Variants in EPHA3 observed in about 807,000 individuals in gnomAD.
EPHA3 encodes the protein ephrin type-A receptor 3.
In EPHA3, 42 loss-of-function variants were observed where a neutral mutation model predicts 107.1. The ratio of observed to expected loss-of-function variants is 0.39; its 90% CI spans 0.31 to 0.51. The LOEUF (loss-of-function observed/expected upper bound fraction) is 0.51, where lower values mean the gene tolerates loss of function less well. EPHA3 is among the 20% of genes least tolerant of loss of function. The pLI is 0.78. For synonymous variants in EPHA3, 461 were observed against 424.8 expected, an observed-to-expected ratio of 1.09 and a Z score of -1.05; for missense variants, 1,183 against 1,211.2, an observed-to-expected ratio of 0.98 and a Z score of 0.35.
intron 2 of EPHA3, among the ~76,000 whole-genome samples, chr3:89,151,642 A>C (rs1158763775): frequency 1.3e-5 from 2 of 152,100 alleles, no homozygotes; most frequent in Admixed American, 6.6e-5. Flanking sequence ...GTATGACTGA[A>C]GATTTTCTAG....
intron 5 of EPHA3, among the ~76,000 whole-genome samples, chr3:89,359,780 T>TACATATATACAC (rs1559663657): frequency 2.1e-5 from 3 of 142,968 alleles, no homozygotes; most frequent in Non-Finnish European, 4.5e-5. Context: ...CACATATATA[T>TACATATATACAC]ACATATATAT....
intron 10 of EPHA3, among the ~76,000 whole-genome samples, chr3:89,416,256 A>G (rs1256757216): frequency 6.6e-6 from 1 of 151,456 alleles, no homozygotes; most frequent in East Asian, 1.9e-4. Context: ...AAGAGCAAAT[A>G]AAATTGCCGC....
Position 89,468,776 on chromosome 3 carries a change from C to T in EPHA3, c.2691-3688C>T, listed in dbSNP as rs1710340855. On this transcript the variant is annotated intron_variant, in intron 15 of 16. Transcript: ENST00000336596. Reference sequence around the variant, plus strand: ...AGTCTAATGTAATGTCTAATGCTTGCTAGTGACAAAGACTATTTCACTCAT... The same window carrying T: ...AGTCTAATGTAATGTCTAATGCTTGTTAGTGACAAAGACTATTTCACTCAT... 3.3e-5 allele frequency among the ~76,000 whole-genome samples: 5 copies of T among 152,236 alleles called. No individual in the cohort carries two copies. The South Asian group carries it at 1.0e-3, about 32-fold the overall frequency.
chr3:89,270,403 T>C (rs1244561930), intron 3 of EPHA3, among the ~76,000 whole-genome samples: 1 of 152,068 alleles, frequency 6.6e-6, no homozygotes, highest in Non-Finnish European at 1.5e-5. Context: ...TGTCTGTCTG[T>C]CTTTGGCCAG....
intron 2 of EPHA3, among the ~76,000 whole-genome samples, chr3:89,200,047 A>G (rs2107158172): frequency 6.6e-6 from 1 of 152,350 alleles, no homozygotes; most frequent in South Asian, 2.1e-4. Flanking sequence ...TGTGTTTTAT[A>G]TAAAATAACA....
chr3:89,432,073 A>G (rs982428713), intron 13 of EPHA3, among the ~76,000 whole-genome samples: 7 of 152,116 alleles, frequency 4.6e-5, no homozygotes, highest in African/African-American at 1.7e-4. Context: ...AACCCTAATT[A>G]GTGAGCAAAT....
At chr3:89,371,794 A>G (rs1348389775) in intron 5 of EPHA3, among the ~76,000 whole-genome samples, 1 of 151,594 alleles carries the variant, frequency 6.6e-6, no homozygotes, top group Non-Finnish European at 1.5e-5. Flanking sequence ...CAAAGTTTTA[A>G]GACTGGATAA....
At chr3:89,283,913 G>A (rs887708004) in intron 3 of EPHA3, among the ~76,000 whole-genome samples, 1 of 151,928 alleles carries the variant, frequency 6.6e-6, no homozygotes, top group African/African-American at 2.4e-5. Context: ...TTCCATATCA[G>A]GTTTATAATC....
rs568782972 is a variant in EPHA3 at position 89,399,084 on chromosome 3, C to G, written c.1432-234C>G. ...GGCAGAGGTTTCAGTGAGCTGAGATCGCGCCACTGCACTCCAGCCTGGTGA... is the reference window on the plus strand; with the variant it reads ...GGCAGAGGTTTCAGTGAGCTGAGATGGCGCCACTGCACTCCAGCCTGGTGA... On this transcript the variant is annotated intron_variant, in intron 6 of 16. Transcript: ENST00000336596. 7.9e-5 allele frequency among the ~76,000 whole-genome samples: 12 copies of G among 151,318 alleles called. No individual in the cohort carries two copies. In the East Asian group the frequency reaches 2.1e-3, roughly 27 times the overall value.
intron 3 of EPHA3, among the ~76,000 whole-genome samples, chr3:89,294,323 T>A (rs2107334697): frequency 6.6e-6 from 1 of 152,340 alleles, no homozygotes. Flanking sequence ...AAATTACCTT[T>A]GCACTTTTGG....
At chr3:89,406,173 T>A (rs1709051122) in intron 7 of EPHA3, among the ~76,000 whole-genome samples, 2 of 152,094 alleles carry the variant, frequency 1.3e-5, no homozygotes, top group African/African-American at 4.8e-5. Context: ...GCAGAATGAT[T>A]AGGAGATGGA....
intron 13 of EPHA3, among the ~76,000 whole-genome samples, chr3:89,440,574 T>C (rs1186796625): frequency 6.6e-6 from 1 of 152,190 alleles, no homozygotes; most frequent in Non-Finnish European, 1.5e-5. Flanking sequence ...TCCTGAAAAA[T>C]TCAGGCTTTT....
intron 3 of EPHA3, among the ~76,000 whole-genome samples, chr3:89,277,335 T>C (rs1432869570): frequency 1.3e-5 from 2 of 152,162 alleles, no homozygotes; most frequent in African/African-American, 4.8e-5. Context: ...AGAAATCCTT[T>C]AAGCTCTTGA....
intron 2 of EPHA3, among the ~76,000 whole-genome samples, chr3:89,148,776 A>T (rs1043546455): frequency 1.3e-5 from 2 of 152,022 alleles, no homozygotes; most frequent in African/African-American, 4.8e-5. Context: ...TGGTGAATGC[A>T]TCTGAATTAT....
At chr3:89,401,861 C>A (rs1377529527) in intron 7 of EPHA3, among the ~76,000 whole-genome samples, 1 of 152,124 alleles carries the variant, frequency 6.6e-6, no homozygotes, top group Non-Finnish European at 1.5e-5. Flanking sequence ...ATCCACCCAC[C>A]TCAGCCTCCC....
At chr3:89,184,756 G>T (rs1391228083) in intron 2 of EPHA3, among the ~76,000 whole-genome samples, 1 of 151,962 alleles carries the variant, frequency 6.6e-6, no homozygotes, top group Non-Finnish European at 1.5e-5. Context: ...CATCTAATAA[G>T]AGGGAATGTT....
At chr3:89,223,609 A>T (rs916673253) in intron 3 of EPHA3, among the ~76,000 whole-genome samples, 1 of 152,162 alleles carries the variant, frequency 6.6e-6, no homozygotes, top group East Asian at 1.9e-4. Flanking sequence ...TGGTGGGATT[A>T]TGTTTGTTGT....
intron 3 of EPHA3, among the ~76,000 whole-genome samples, chr3:89,255,103 T>C (rs1705251099): frequency 6.6e-6 from 1 of 152,204 alleles, no homozygotes; most frequent in African/African-American, 2.4e-5. Context: ...TCATAAATAA[T>C]GTTTACTTAA....
chr3:89,196,704 A>T (rs1389045362), intron 2 of EPHA3, among the ~76,000 whole-genome samples: 1 of 152,142 alleles, frequency 6.6e-6, no homozygotes, highest in Non-Finnish European at 1.5e-5. Flanking sequence ...ACATTTTGAC[A>T]TAGTAGTCAA....
Sources: allele counts gnomAD v4.1 joint callset (sites outside exome capture counted in the v4.1 genomes callset), GRCh38; gene constraint gnomAD v4.1.1; transcripts MANE v1.5; gene names NCBI Gene and HGNC (gene_info 2026-07-23, HGNC 2026-07-21).